SLC12A3: variants seen among roughly 807,000 people sequenced by gnomAD.
SLC12A3 encodes the protein Na-Cl cotransporter.
Under a neutral mutation model 121.0 loss-of-function variants are expected in SLC12A3, and 104 were observed. The ratio of observed to expected loss-of-function variants is 0.86; its 90% confidence interval spans 0.73 to 1.01. The LOEUF (loss-of-function observed/expected upper bound fraction) is 1.01. Among genes scored for constraint, SLC12A3 ranks in the 50% least tolerant of loss-of-function variants. The pLI is 0.00. For missense variants in SLC12A3, 1,328 were observed against 1,356.3 expected, an observed-to-expected ratio of 0.98 and a Z score of 0.33; for synonymous variants, 536 against 533.4, an observed-to-expected ratio of 1.00 and a Z score of -0.07.
chr16:56,865,371 AC>A lies in SLC12A3; in HGVS notation c.139del (p.His47ThrfsTer67). 6.2e-7 allele frequency: 1 copy of A among 1,614,004 alleles called. No individual in the cohort carries two copies. Among genetic ancestry groups the A allele is most frequent in the East Asian group, 2.2e-5 (1 of 44,860 alleles). On this transcript the variant is annotated frameshift_variant, in exon 1 of 26. Transcript: ENST00000563236. LOFTEE classifies it high-confidence loss of function. ...TGACAGCAGCCACCCCAGCCACCTGACCCACAGCAGCACCTTCTGCATGCGC... is the reference window on the plus strand; with the variant it reads ...TGACAGCAGCCACCCCAGCCACCTGACCACAGCAGCACCTTCTGCATGCGC... ...AYDSSHPSHLTHSSTFCMRTF... is the reference protein window; with the variant it reads ...AYDSSHPSHLXHSSTFCMRTF...
rs565823979 is a variant in SLC12A3, at chr16:56,902,887, T to C, written c.2856+379T>C. On this transcript the variant is annotated intron_variant, in intron 24 of 25. Transcript: ENST00000563236. ...TAGGCCGGGCATGGTGGCTCACCCC[T>C]GTAATCCCAGCACTTTGGGAGGCCG... Among the ~76,000 whole-genome samples the C allele has an allele frequency of 1.6e-4, 25 of 152,284 alleles. No individual in the cohort carries two copies. The South Asian group carries it at 3.1e-3, about 19-fold the overall frequency.
In SLC12A3 at chr16:56,887,990, G is replaced by A. The variant is rs150633177; in HGVS notation, c.2244G>A (p.Ser748=). 1.1e-5 allele frequency: 18 copies of A among 1,611,986 alleles called. No homozygotes were observed. Among genetic ancestry groups the A allele is most frequent in the African/African-American group, 9.4e-5 (7 of 74,862 alleles). Residue 748 remains serine, a synonymous_variant, in exon 18 of 26, where the codon TCG becomes TCA. Transcript: ENST00000563236. ...TTGGGTTCAAGAAGAACTGGCAGTCGGCTCACCCGGCCACAGTGGAAGACT... is the reference window on the plus strand; with the variant it reads ...TTGGGTTCAAGAAGAACTGGCAGTCAGCTCACCCGGCCACAGTGGAAGACT... The part of the protein sequence containing the change: ...LVVGFKKNWQ[S]AHPATVEDYI...
In SLC12A3 at chr16:56,886,838, G is replaced by A. The variant is rs2055319228; in HGVS notation, c.2038-115G>A. The stretch of plus-strand genomic sequence containing the variant: ...TTTCCCTTATCTGGGCAAAAGAAAA[G>A]GGCACCGTGGGTGCTGCCAAGCCCC... On this transcript the variant is annotated intron_variant, in intron 16 of 25. Coordinates refer to ENST00000563236, the MANE Select transcript of SLC12A3 (RefSeq NM_001126108.2). 3 of 1,399,394 alleles carry A rather than the reference G, an allele frequency of 2.1e-6. No homozygotes were observed. The Admixed American group carries it at 5.7e-5, about 27-fold the overall frequency. 86.7% of individuals were successfully genotyped at this position (1,399,394 alleles called of 1,614,324 possible).
At chr16:56,890,403 TTTG>T in intron 19 of SLC12A3, 47 bp downstream of exon 19, 1 of 1,553,624 alleles carries the variant, frequency 6.4e-7, no homozygotes, top group Non-Finnish European at 8.9e-7. Context: ...GAACACATTT[TTTG>T]TTTTTAAATG....
chr16:56,899,424 G>A (rs913025804), intron 22 of SLC12A3, 106 bp from the exon 23 acceptor site: 8 of 846,544 alleles, frequency 9.5e-6, no homozygotes, highest in Non-Finnish European at 1.4e-5. Flanking sequence ...GGGAGGCAGA[G>A]GTTGCAGTGA....
intron 25 of SLC12A3, among the ~76,000 whole-genome samples, chr16:56,910,491 C>T (rs1207812040): frequency 1.3e-5 from 2 of 152,108 alleles, no homozygotes; most frequent in Non-Finnish European, 2.9e-5. Context: ...CACATACCAC[C>T]AGGCCTGGCT....
At chr16:56,902,531 G>GGCCCA in intron 24 of SLC12A3, 23 bp downstream of exon 24, 1 of 714,570 alleles carries the variant, frequency 1.4e-6, no homozygotes, top group Non-Finnish European at 2.4e-6. Context: ...GTGGGGGTGG[G>GGCCCA]AAACGCGACA....
At position 56,914,838 on chromosome 16, in the gene SLC12A3, T is replaced by C. The variant is rs1323245937; in HGVS notation, c.*1433T>C. ...GATGGCAAGGTTGGCAAGGAACAGA[T>C]AGGCAGGAGCAGGTCCAAGCCAAGC... On this transcript the variant is annotated 3_prime_UTR_variant, in exon 26 of 26. Transcript: ENST00000563236. 4 of 151,368 alleles carry C rather than the reference T, an allele frequency of 2.6e-5. No homozygotes were observed. Among genetic ancestry groups the C allele is most frequent in the Admixed American group, 6.6e-5 (1 of 15,188 alleles). 9.4% of individuals were successfully genotyped at this position (151,368 alleles called of 1,614,324 possible).
At chr16:56,903,973 T>C (rs1170863736) in intron 24 of SLC12A3, among the ~76,000 whole-genome samples, 1 of 152,268 alleles carries the variant, frequency 6.6e-6, no homozygotes, top group East Asian at 1.9e-4. Flanking sequence ...GCATAGGTTG[T>C]CTCATTTGAT....
At chr16:56,883,523 G>A (rs970275548) in intron 13 of SLC12A3, among the ~76,000 whole-genome samples, 8 of 151,892 alleles carry the variant, frequency 5.3e-5, no homozygotes, top group Non-Finnish European at 1.0e-4. Flanking sequence ...CTCATGATCC[G>A]CCCGCCTCAG....
chr16:56,868,178 G>A (rs1964402939), intron 2 of SLC12A3, 119 bp from the exon 3 acceptor site: 6 of 910,878 alleles, frequency 6.6e-6, no homozygotes, highest in Non-Finnish European at 8.8e-6. Flanking sequence ...GGGTGAAGAA[G>A]GGACCCAGGT....
chr16:56,868,422 C>T, intron 3 of SLC12A3, 50 bp downstream of exon 3: 1 of 1,536,120 alleles, frequency 6.5e-7, no homozygotes. Context: ...GAATCCCATT[C>T]TTCCCAGCTT....
intron 22 of SLC12A3, among the ~76,000 whole-genome samples, chr16:56,896,723 G>A (rs8061810): frequency 0.22 from 33,580 of 152,116 alleles, 3,943 homozygotes; most frequent in African/African-American, 0.31. Context: ...CTCTAGCCTG[G>A]GTGAAAGAAC....
At chr16:56,901,178 G>C (rs6499857) in intron 23 of SLC12A3, among the ~76,000 whole-genome samples, 46,595 of 151,888 alleles carry the variant, frequency 0.31, 9,286 homozygotes, top group African/African-American at 0.58. Context: ...CCTCCAGTTC[G>C]TCTGCTGGTT....
rs369510226 is a variant in SLC12A3, at chr16:56,880,205, C to T, written c.1519C>T (p.Arg507Cys). 118 of 1,595,310 alleles carry T rather than the reference C, an allele frequency of 7.4e-5. No individual in the cohort carries two copies. Among genetic ancestry groups the T allele is most frequent in the Middle Eastern group, 3.3e-4 (2 of 6,060 alleles). ...KGYGKNKEPV[R>C]GYLLAYAIAV... ...CTATGGCAAGAACAAGGAGCCCGTGCGTGGCTACCTGCTGGCCTACGCCAT... is the reference window on the plus strand; with the variant it reads ...CTATGGCAAGAACAAGGAGCCCGTGTGTGGCTACCTGCTGGCCTACGCCAT... Residue 507 changes from arginine (R) to cysteine (C), a missense_variant, in exon 12 of 26, where the codon CGT becomes TGT. Arg to Cys is a radical substitution (Grantham distance 180). Coordinates refer to ENST00000563236, the MANE Select transcript of SLC12A3 (RefSeq NM_001126108.2).
chr16:56,885,439 G>T, intron 15 of SLC12A3, 75 bp downstream of exon 15: 4 of 984,186 alleles, frequency 4.1e-6, no homozygotes, highest in South Asian at 1.4e-5. Flanking sequence ...TCCAAGCCTA[G>T]ACCTGTCACC....
intron 25 of SLC12A3, chr16:56,904,679 C>A: frequency 1.8e-6 from 1 of 550,262 alleles, no homozygotes; most frequent in Non-Finnish European, 3.3e-6. Flanking sequence ...GGTCGAGGGC[C>A]TCACGTGTCC....
chr16:56,898,882 C>A (rs1240206937), intron 22 of SLC12A3, among the ~76,000 whole-genome samples: 1 of 152,204 alleles, frequency 6.6e-6, no homozygotes, highest in African/African-American at 2.4e-5. Flanking sequence ...TGTGGACTAG[C>A]AGCATTGCAT....
chr16:56,915,079 C>T lies in SLC12A3; in HGVS notation c.*1674C>T, dbSNP rs3812963. The T allele has an allele frequency of 0.11, 16,005 of 152,290 alleles. 1,139 individuals are homozygous for T. The highest frequency in any genetic ancestry group is 0.28 in the East Asian group (1,435 of 5,158). The allele number at this position is 152,290 out of a possible 1,614,324, so 9.4% of individuals were successfully genotyped here. A position where few individuals can be genotyped will look rare whatever the true frequency, so the allele number is the denominator to read the frequency against. ...TTGAACATCCCCAGTGTTTGAGCCCCCAAAGCTAGGGTGCAAGAGCACTGC... is the reference window on the plus strand; with the variant it reads ...TTGAACATCCCCAGTGTTTGAGCCCTCAAAGCTAGGGTGCAAGAGCACTGC... On this transcript the variant is annotated 3_prime_UTR_variant, in exon 26 of 26. Coordinates refer to ENST00000563236, the MANE Select transcript of SLC12A3 (RefSeq NM_001126108.2).
Sources: allele counts gnomAD v4.1 joint callset (sites outside exome capture counted in the v4.1 genomes callset), GRCh38; gene constraint gnomAD v4.1.1; transcripts MANE v1.5; gene names NCBI Gene and HGNC (gene_info 2026-07-23, HGNC 2026-07-21).